VPS13A: variants seen among roughly 807,000 people sequenced by gnomAD.
The protein encoded by VPS13A is intermembrane lipid transfer protein VPS13A.
VPS13A carries 264 observed loss-of-function variants against 390.9 expected under a neutral mutation model. The observed-to-expected ratio is 0.68, with a 90% confidence interval of 0.61 to 0.75. The LOEUF (loss-of-function observed/expected upper bound fraction) is 0.75, where lower values mean the gene tolerates loss of function less well. Ranked by LOEUF, VPS13A falls within the 30% of genes least tolerant of loss-of-function variation. The pLI, the probability that VPS13A is intolerant of heterozygous loss-of-function variation, is 0.00. For synonymous variants in VPS13A, 1,231 were observed against 1,227.1 expected, an observed-to-expected ratio of 1.00 and a Z score of -0.07; for missense variants, 3,409 against 3,733.9, an observed-to-expected ratio of 0.91 and a Z score of 2.27.
chr9:77,320,398 A>G (rs1272768957), intron 42 of VPS13A, among the ~76,000 whole-genome samples: 6 of 152,134 alleles, frequency 3.9e-5, no homozygotes, highest in African/African-American at 9.7e-5. Context: ...TGTTTGAAAT[A>G]TATTGTGGAT....
intron 59 of VPS13A, 69 bp downstream of exon 59, chr9:77,360,710 G>T: frequency 8.4e-7 from 1 of 1,190,924 alleles, no homozygotes; most frequent in East Asian, 2.5e-5. Context: ...ATTTTTAAAG[G>T]TATTAAAATG....
intron 67 of VPS13A, 35 bp from the exon 68 acceptor site, chr9:77,381,941 A>G (rs764101115): frequency 1.4e-6 from 2 of 1,413,724 alleles, no homozygotes; most frequent in South Asian, 1.3e-5. Flanking sequence ...TTTTTGAATA[A>G]TTTTTAAAAT....
chr9:77,323,302 C>T (rs1006168294), intron 45 of VPS13A, 75 bp downstream of exon 45: 138 of 1,495,596 alleles, frequency 9.2e-5, no homozygotes, highest in Non-Finnish European at 1.2e-4. Context: ...ACAACAACAA[C>T]AAATTATTAC....
chr9:77,179,384 C>T (rs1823863541), intron 1 of VPS13A, among the ~76,000 whole-genome samples: 1 of 152,130 alleles, frequency 6.6e-6, no homozygotes, highest in Non-Finnish European at 1.5e-5. Flanking sequence ...TGATCTCACC[C>T]CGCCACCACG....
At chr9:77,180,951 G>A (rs143352595) in intron 1 of VPS13A, among the ~76,000 whole-genome samples, 3,325 of 152,300 alleles carry the variant, frequency 0.022, 49 homozygotes, top group Middle Eastern at 0.048. Flanking sequence ...TTGGAAGGCT[G>A]AGGCGGGAAG....
At position 77,307,940 on chromosome 9, in the gene VPS13A, A is replaced by G; in HGVS notation, c.3961-5A>G. 1 of 1,529,216 alleles carries G rather than the reference A, an allele frequency of 6.5e-7. No individual in the cohort carries two copies. The highest frequency in any genetic ancestry group is 9.0e-7 in the Non-Finnish European group (1 of 1,112,564). The allele number at this position is 1,529,216 out of a possible 1,614,324, so 94.7% of individuals were successfully genotyped here. A position where few individuals can be genotyped will look rare whatever the true frequency, so the allele number is the denominator to read the frequency against. ...TAAAAAGAACAAATCTTTTTTTTTTAACAGTTCATTCTTAGTCAAGAAGAT... is the reference window on the plus strand; with the variant it reads ...TAAAAAGAACAAATCTTTTTTTTTTGACAGTTCATTCTTAGTCAAGAAGAT... On this transcript the variant is annotated splice_region_variant and splice_polypyrimidine_tract_variant and intron_variant, in intron 34 of 71. Coordinates refer to ENST00000360280, the MANE Select transcript of VPS13A (RefSeq NM_033305.3).
chr9:77,290,312 T>C lies in VPS13A; in HGVS notation c.3340-3029T>C, dbSNP rs188355953. Among the ~76,000 whole-genome samples the C allele has an allele frequency of 3.3e-5, 5 of 152,326 alleles. No homozygotes were observed. The East Asian group carries it at 9.6e-4, about 29-fold the overall frequency. On this transcript the variant is annotated intron_variant, in intron 31 of 71. Coordinates refer to ENST00000360280, the MANE Select transcript of VPS13A (RefSeq NM_033305.3). ...ATGACATTTCTTATTTTTGTTCCTC[T>C]GTACATAATTGGTCATCTTTTTTGA...
intron 67 of VPS13A, among the ~76,000 whole-genome samples, chr9:77,377,376 C>G (rs543546046): frequency 1.4e-3 from 210 of 151,706 alleles, no homozygotes; most frequent in Non-Finnish European, 2.1e-3. Context: ...CCCGCCACCG[C>G]GCCCGGCTAA....
chr9:77,215,012 C>T (rs554765140), intron 10 of VPS13A, among the ~76,000 whole-genome samples: 16 of 152,206 alleles, frequency 1.1e-4, no homozygotes, highest in East Asian at 1.9e-4. Context: ...GCAATCTGCC[C>T]GCCTCGGCCT....
chr9:77,221,623 C>T (rs1358427140), intron 13 of VPS13A, among the ~76,000 whole-genome samples: 2 of 152,036 alleles, frequency 1.3e-5, no homozygotes, highest in African/African-American at 2.4e-5. Flanking sequence ...CATTTTTAAC[C>T]TCAAAAGTCT....
chr9:77,302,433 T>G (rs1358410274), intron 33 of VPS13A, among the ~76,000 whole-genome samples: 2 of 137,662 alleles, frequency 1.5e-5, no homozygotes, highest in Non-Finnish European at 3.0e-5. Flanking sequence ...AGTGCAGTGG[T>G]GCGATCTCGG....
intron 45 of VPS13A, among the ~76,000 whole-genome samples, chr9:77,328,961 C>T (rs1587594668): frequency 1.3e-5 from 2 of 152,174 alleles, no homozygotes; most frequent in East Asian, 3.9e-4. Context: ...AAGCAAGGCA[C>T]TTTCTTCACA....
chr9:77,322,553 T>A (rs189357634), intron 44 of VPS13A, among the ~76,000 whole-genome samples: 5 of 151,784 alleles, frequency 3.3e-5, no homozygotes, highest in Non-Finnish European at 7.4e-5. Flanking sequence ...TTTTTTAACA[T>A]TTTTATGGAT....
At chr9:77,328,214 A>G (rs1830110536) in intron 45 of VPS13A, among the ~76,000 whole-genome samples, 1 of 152,188 alleles carries the variant, frequency 6.6e-6, no homozygotes, top group Non-Finnish European at 1.5e-5. Flanking sequence ...ATGGCCAATG[A>G]GCAGTAGCAT....
intron 52 of VPS13A, 127 bp downstream of exon 52, chr9:77,345,269 C>A: frequency 9.3e-7 from 1 of 1,072,560 alleles, no homozygotes; most frequent in Non-Finnish European, 1.4e-6. Context: ...AAACAGTGTT[C>A]CATTAAAAAA....
chr9:77,392,621 C>G (rs755649479), intron 68 of VPS13A, among the ~76,000 whole-genome samples: 5 of 151,802 alleles, frequency 3.3e-5, no homozygotes, highest in Admixed American at 6.6e-5. Flanking sequence ...AATATGGCAA[C>G]AAAGCAAGTC....
chr9:77,207,365 T>C (rs1227210633), intron 5 of VPS13A, among the ~76,000 whole-genome samples: 3 of 148,984 alleles, frequency 2.0e-5, no homozygotes, highest in African/African-American at 7.3e-5. Flanking sequence ...CATTGGCATA[T>C]ATATGACATA....
At chr9:77,373,592 C>T (rs11145405) in intron 67 of VPS13A, among the ~76,000 whole-genome samples, 25,039 of 144,312 alleles carry the variant, frequency 0.17, 2,723 homozygotes, top group East Asian at 0.3. Context: ...ACTTCATGTC[C>T]AAAACACCAA....
At chr9:77,247,535 CCTTT>C (rs766303716) in intron 20 of VPS13A, 140 bp downstream of exon 20, 2 of 937,950 alleles carry the variant, frequency 2.1e-6, no homozygotes, top group Non-Finnish European at 3.1e-6. Flanking sequence ...GAGAAATCTC[CCTTT>C]CTGTTAAATA....
Sources: allele counts gnomAD v4.1 joint callset (sites outside exome capture counted in the v4.1 genomes callset), GRCh38; gene constraint gnomAD v4.1.1; transcripts MANE v1.5; gene names NCBI Gene and HGNC (gene_info 2026-07-23, HGNC 2026-07-21).